EHMT1: variants seen among roughly 807,000 people sequenced by gnomAD.
EHMT1 encodes euchromatic histone lysine methyltransferase 1.
In EHMT1, 15 loss-of-function variants were observed where a neutral mutation model predicts 147.2. The observed-to-expected ratio is 0.10, with a 90% confidence interval of 0.07 to 0.16. The LOEUF is 0.16. EHMT1 is among the 10% of genes least tolerant of loss of function. EHMT1 has a pLI of 1.00. For missense variants in EHMT1, 1,587 were observed against 1,772.4 expected, an observed-to-expected ratio of 0.90 and a Z score of 1.88; for synonymous variants, 795 against 709.6, an observed-to-expected ratio of 1.12 and a Z score of -1.91.
At position 137,775,456 on chromosome 9, in the gene EHMT1, C is replaced by T. The variant is rs1950887713; in HGVS notation, c.1791+204C>T. On this transcript the variant is annotated intron_variant, in intron 11 of 26. Transcript: ENST00000460843. This position sits in a 1 kb window ranked among gnomAD's most constrained non-coding sequence, Gnocchi z 6.1. ...TGCCTTAGACACCTTCACCCCCAAC[C>T]CCCATTTCCCTCCTACCGCCTGGAA... Among the ~76,000 whole-genome samples, 1 of 151,902 alleles carries T rather than the reference C, an allele frequency of 6.6e-6. No homozygotes were observed. Among genetic ancestry groups the T allele is most frequent in the Admixed American group, 6.5e-5 (1 of 15,274 alleles).
intron 1 of EHMT1, among the ~76,000 whole-genome samples, chr9:137,643,569 G>C (rs951746970): frequency 5.3e-5 from 8 of 151,738 alleles, no homozygotes; most frequent in Non-Finnish European, 7.4e-5. Flanking sequence ...AAGATGGTCT[G>C]GATCTCCTGA....
At chr9:137,831,110 A>G (rs1252218734) in intron 25 of EHMT1, among the ~76,000 whole-genome samples, 3 of 152,064 alleles carry the variant, frequency 2.0e-5, no homozygotes, top group African/African-American at 4.8e-5. Flanking sequence ...TGAGGGCACA[A>G]TTCCCTCCAC....
chr9:137,757,001 T>G (rs1487582430), intron 8 of EHMT1, among the ~76,000 whole-genome samples: 1 of 152,220 alleles, frequency 6.6e-6, no homozygotes, highest in Non-Finnish European at 1.5e-5. Flanking sequence ...ATAAGATTGG[T>G]GACTAGTCCC....
At chr9:137,819,976 A>G (rs1393136933) in intron 25 of EHMT1, 2 of 150,942 alleles carry the variant, frequency 1.3e-5, no homozygotes, top group East Asian at 3.9e-4. Context: ...CTATTTTAAA[A>G]CCTCTTGAAA....
At chr9:137,815,407 C>A (rs191992707) in intron 22 of EHMT1, 223 of 207,746 alleles carry the variant, frequency 1.1e-3, no homozygotes, top group Non-Finnish European at 1.1e-3. Flanking sequence ...AGCCGTCAAG[C>A]CAGAGTGTGC....
chr9:137,711,033 G>A lies in EHMT1; in HGVS notation c.85+3G>A. On this transcript the variant is annotated splice_donor_region_variant and intron_variant, in intron 2 of 26. Transcript: ENST00000460843. ...GAAAACCGAGCTGCTGGGAGAAGGT[G>A]AGGGCGGTGTGCACCGAGGGACAGG... 1 of 1,589,094 alleles carries A rather than the reference G, an allele frequency of 6.3e-7. No individual in the cohort carries two copies. Among genetic ancestry groups the A allele is most frequent in the Non-Finnish European group, 8.6e-7 (1 of 1,168,444 alleles).
At chr9:137,680,346 G>A (rs943828181) in intron 1 of EHMT1, among the ~76,000 whole-genome samples, 2 of 151,876 alleles carry the variant, frequency 1.3e-5, no homozygotes, top group African/African-American at 4.8e-5. Context: ...GGTGGTGCAC[G>A]CTTGTGATCC....
intron 8 of EHMT1, among the ~76,000 whole-genome samples, chr9:137,756,334 G>T (rs1235803252): frequency 1.3e-5 from 2 of 152,128 alleles, no homozygotes; most frequent in African/African-American, 2.4e-5. Flanking sequence ...TGGACATTCT[G>T]GTCTGTTTCA....
chr9:137,707,779 C>T (rs908140555), intron 1 of EHMT1, among the ~76,000 whole-genome samples: 7 of 152,144 alleles, frequency 4.6e-5, no homozygotes, highest in Non-Finnish European at 1.0e-4. Flanking sequence ...GCGGGTGCCT[C>T]CAGGAGGGGA....
intron 10 of EHMT1, among the ~76,000 whole-genome samples, chr9:137,767,693 A>G (rs1039358725): frequency 6.6e-6 from 1 of 152,102 alleles, no homozygotes; most frequent in African/African-American, 2.4e-5. Context: ...GGAGCTTGTA[A>G]TCCGAGCTAC....
intron 1 of EHMT1, among the ~76,000 whole-genome samples, chr9:137,634,488 C>T (rs994461088): frequency 2.0e-5 from 3 of 152,068 alleles, no homozygotes; most frequent in African/African-American, 4.8e-5. Context: ...AGTTCTATTC[C>T]GTTGATGTAT....
intron 1 of EHMT1, among the ~76,000 whole-genome samples, chr9:137,655,337 A>G (rs764808609): frequency 3.9e-5 from 6 of 152,138 alleles, no homozygotes; most frequent in Non-Finnish European, 8.8e-5. Flanking sequence ...TTCAGGCACT[A>G]CACTGGCAAC....
intron 22 of EHMT1, chr9:137,814,719 G>A: frequency 1.6e-6 from 1 of 642,760 alleles, no homozygotes. Context: ...GGATTCCCTG[G>A]GGCTGGGGTC....
chr9:137,815,072 C>G (rs1248811417), intron 22 of EHMT1, among the ~76,000 whole-genome samples: 1 of 151,770 alleles, frequency 6.6e-6, no homozygotes, highest in Non-Finnish European at 1.5e-5. Flanking sequence ...GCGGAGAGTT[C>G]CTGGTCTCCC....
intron 18 of EHMT1, 74 bp downstream of exon 18, chr9:137,801,058 C>T: frequency 7.1e-7 from 1 of 1,399,882 alleles, no homozygotes; most frequent in Non-Finnish European, 1.0e-6. Flanking sequence ...AGGTTCTTTT[C>T]TCAAAAGCAG....
chr9:137,749,856 A>G (rs897639485), intron 6 of EHMT1, among the ~76,000 whole-genome samples: 1 of 152,246 alleles, frequency 6.6e-6, no homozygotes, highest in African/African-American at 2.4e-5. Flanking sequence ...GTCCAGTGAC[A>G]TGAAAACTCC....
rs558492576 is a variant in EHMT1, at chr9:137,704,782, G to T, written c.22-6185G>T. 2.8e-4 allele frequency among the ~76,000 whole-genome samples: 24 copies of T among 86,684 alleles called. No individual in the cohort carries two copies. In the South Asian group the frequency reaches 9.8e-3, roughly 35 times the overall value. 56.9% of individuals were successfully genotyped at this position (86,684 alleles called of 152,430 possible). ...CTTCCTCCTGCCTTCCCTCCCTCCC[G>T]CCTGCCTTCCCTCCCTCCCGCCCTC... On this transcript the variant is annotated intron_variant, in intron 1 of 26. Coordinates refer to ENST00000460843, the MANE Select transcript of EHMT1 (RefSeq NM_024757.5).
At chr9:137,664,466 G>A (rs1315260374) in intron 1 of EHMT1, among the ~76,000 whole-genome samples, 2 of 151,768 alleles carry the variant, frequency 1.3e-5, no homozygotes, top group Non-Finnish European at 2.9e-5. Context: ...CACCATGTTG[G>A]CCAGGCTGGT....
chr9:137,785,758 A>G (rs916868968), intron 15 of EHMT1: 1 of 151,978 alleles, frequency 6.6e-6, no homozygotes, highest in African/African-American at 2.4e-5. Context: ...AAATCATCCT[A>G]CTCTGGCCCT....
Sources: allele counts gnomAD v4.1 joint callset (sites outside exome capture counted in the v4.1 genomes callset), GRCh38; gene constraint gnomAD v4.1.1; non-coding constraint Gnocchi (gnomAD v3.1); transcripts MANE v1.5; gene names NCBI Gene and HGNC (gene_info 2026-07-23, HGNC 2026-07-21).